Variants in WDPCP observed in about 807,000 individuals in gnomAD.
WDPCP encodes the protein WD repeat-containing and planar cell polarity effector protein fritz homolog.
WDPCP carries 71 observed loss-of-function variants against 93.1 expected under a neutral mutation model. The ratio of observed to expected loss-of-function variants is 0.76; its 90% CI spans 0.63 to 0.93. The LOEUF is 0.93. Among genes scored for constraint, WDPCP ranks in the 40% least tolerant of loss-of-function variants. The probability of loss-of-function intolerance (pLI) is 0.00; values close to 1 mark genes in which losing one functional copy is unlikely to be tolerated. For synonymous variants in WDPCP, 315 were observed against 315.0 expected (o/e 1.00, Z 0.00); for missense variants, 844 against 887.4 (o/e 0.95, Z 0.62).
intron 14 of WDPCP, among the ~76,000 whole-genome samples, chr2:63,238,124 AT>A (rs1011656371): frequency 3.9e-5 from 6 of 152,108 alleles, no homozygotes; most frequent in Non-Finnish European, 1.5e-5. Flanking sequence ...AATAATACAA[AT>A]TTTTTTGTTA....
intron 2 of WDPCP, among the ~76,000 whole-genome samples, chr2:63,776,655 CAAAAAAAAAA>C (rs778768889): frequency 1.9e-5 from 1 of 54,020 alleles, no homozygotes; most frequent in Non-Finnish European, 3.2e-5. Context: ...GGCCCTGTCT[CAAAAAAAAAA>C]AAAAAAAAAA....
chr2:63,298,197 C>T (rs542493014), intron 13 of WDPCP, among the ~76,000 whole-genome samples: 1 of 152,102 alleles, frequency 6.6e-6, no homozygotes, highest in African/African-American at 2.4e-5. Flanking sequence ...CCATAACAAT[C>T]CCCAAGGGGA....
At chr2:63,421,546 G>A (rs947615700) in intron 9 of WDPCP, among the ~76,000 whole-genome samples, 2 of 152,146 alleles carry the variant, frequency 1.3e-5, no homozygotes, top group East Asian at 1.9e-4. Context: ...TGGAACAGCT[G>A]GACATCCACA....
chr2:63,764,318 G>T (rs1031464001), intron 2 of WDPCP, among the ~76,000 whole-genome samples: 10 of 152,082 alleles, frequency 6.6e-5, no homozygotes, highest in Admixed American at 6.6e-4. Context: ...TAATAATAGG[G>T]TTTGCAAGGC....
chr2:63,549,814 T>A (rs1705444589), intron 1 of WDPCP, among the ~76,000 whole-genome samples: 1 of 152,080 alleles, frequency 6.6e-6, no homozygotes, highest in African/African-American at 2.4e-5. Context: ...AAACAGGAAT[T>A]AGGAAGACGG....
intron 13 of WDPCP, among the ~76,000 whole-genome samples, chr2:63,308,053 C>A (rs530074985): frequency 6.7e-6 from 1 of 150,226 alleles, no homozygotes; most frequent in Admixed American, 6.6e-5. Flanking sequence ...TACAAGAAAA[C>A]AAACAAACAA....
At chr2:63,774,827 A>G (rs1301104177) in intron 2 of WDPCP, among the ~76,000 whole-genome samples, 3 of 151,998 alleles carry the variant, frequency 2.0e-5, no homozygotes, top group Non-Finnish European at 4.4e-5. Flanking sequence ...ATTTTCGTAG[A>G]CTGTTTCAAT....
intron 2 of WDPCP, among the ~76,000 whole-genome samples, chr2:63,690,960 A>G (rs905854768): frequency 3.3e-5 from 5 of 152,234 alleles, no homozygotes; most frequent in Admixed American, 3.3e-4. Context: ...AAAAAACCAC[A>G]TAATTCAAGA....
At chr2:63,595,449 C>T (rs1239529031) in intron 3 of WDPCP, 1 of 1,612,158 alleles carries the variant, frequency 6.2e-7, no homozygotes, top group African/African-American at 1.3e-5. Context: ...TGTTGGATAT[C>T]ACCCCCATGA....
At chr2:63,749,617 ACT>A (rs1669850034) in intron 2 of WDPCP, among the ~76,000 whole-genome samples, 1 of 152,090 alleles carries the variant, frequency 6.6e-6, no homozygotes, top group Non-Finnish European at 1.5e-5. Context: ...TTAGCACCCA[ACT>A]ACCTGTTTAA....
chr2:63,394,230 G>A (rs1693526277), intron 10 of WDPCP, among the ~76,000 whole-genome samples: 1 of 152,066 alleles, frequency 6.6e-6, no homozygotes, highest in Non-Finnish European at 1.5e-5. Context: ...AATTGGGAAA[G>A]AACATAGACA....
intron 2 of WDPCP, among the ~76,000 whole-genome samples, chr2:63,749,440 G>A (rs986815285): frequency 6.6e-6 from 1 of 152,186 alleles, no homozygotes; most frequent in South Asian, 2.1e-4. Flanking sequence ...TTATAGTGGT[G>A]CAAAGGTGAT....
intron 13 of WDPCP, among the ~76,000 whole-genome samples, chr2:63,269,776 T>G (rs1276518469): frequency 1.3e-5 from 2 of 152,222 alleles, no homozygotes; most frequent in African/African-American, 2.4e-5. Flanking sequence ...TATGATGCTT[T>G]GATTAGTTCA....
intron 12 of WDPCP, among the ~76,000 whole-genome samples, chr2:63,327,869 C>T (rs1687677498): frequency 1.3e-5 from 2 of 152,172 alleles, no homozygotes; most frequent in Admixed American, 6.5e-5. Context: ...ATGAGTTCGA[C>T]TAACAACTTC....
chr2:63,665,195 G>A (rs745307667), intron 2 of WDPCP, among the ~76,000 whole-genome samples: 3 of 152,166 alleles, frequency 2.0e-5, no homozygotes, highest in Non-Finnish European at 4.4e-5. Flanking sequence ...ACAGAAATGC[G>A]TTGTCTCATG....
At position 63,484,808 on chromosome 2, in the gene WDPCP, A is replaced by G. The variant is rs926230442; in HGVS notation, c.324+109T>C. 3.1e-5 allele frequency: 47 copies of G among 1,492,930 alleles called. 1 individual carries two copies. In the Middle Eastern group the frequency reaches 5.1e-4, roughly 16 times the overall value. The allele number at this position is 1,492,930 out of a possible 1,614,324, so 92.5% of individuals were successfully genotyped here. Reference sequence around the variant, plus strand: ...TTGGAACTCATCACTGGACAAAAGCAAAGCTATCATCACCATGAGAGTTGA... The same window carrying G: ...TTGGAACTCATCACTGGACAAAAGCGAAGCTATCATCACCATGAGAGTTGA... On this transcript the variant is annotated intron_variant, in intron 5 of 17. Coordinates refer to ENST00000272321, the MANE Select transcript of WDPCP (RefSeq NM_015910.7).
intron 13 of WDPCP, among the ~76,000 whole-genome samples, chr2:63,279,279 T>A (rs1184185020): frequency 6.6e-6 from 1 of 152,130 alleles, no homozygotes; most frequent in Non-Finnish European, 1.5e-5. Context: ...AAAAAGATAA[T>A]CCACCATGAT....
At chr2:63,238,358 G>A (rs938144043) in intron 14 of WDPCP, among the ~76,000 whole-genome samples, 4 of 151,924 alleles carry the variant, frequency 2.6e-5, no homozygotes, top group Non-Finnish European at 4.4e-5. Context: ...CTTGAAACAC[G>A]GCTCATGTGA....
intron 2 of WDPCP, among the ~76,000 whole-genome samples, chr2:63,669,890 G>A (rs1710324866): frequency 6.6e-6 from 1 of 152,110 alleles, no homozygotes; most frequent in Non-Finnish European, 1.5e-5. Context: ...CTCCTGGTTT[G>A]AATCCTGGTC....
Sources: gnomAD v4.1 joint callset for allele counts (sites outside exome capture counted in the v4.1 genomes callset) on GRCh38, gnomAD v4.1.1 for gene constraint, MANE v1.5 for transcripts, NCBI Gene and HGNC (gene_info 2026-07-23, HGNC 2026-07-21) for gene names.